Variants in LINGO2 observed in about 807,000 individuals in gnomAD.
LINGO2 encodes leucine rich repeat and Ig domain containing 2.
LINGO2 carries 14 observed loss-of-function variants against 30.6 expected under a neutral mutation model. That is an observed-to-expected ratio of 0.46 (90% CI 0.30 to 0.72). The LOEUF is 0.72. LINGO2 is among the 30% of genes least tolerant of loss of function. The pLI is 0.07. For synonymous variants in LINGO2, 317 were observed against 288.5 expected (o/e 1.10, Z -1.00); for missense variants, 729 against 751.7 (o/e 0.97, Z 0.35).
At chr9:29,192,837 C>A in the LINGO2 span, among the ~76,000 whole-genome samples, 1 of 152,184 alleles carries the variant, frequency 6.6e-6, no homozygotes, top group African/African-American at 2.4e-5. Flanking sequence ...TTGTTCATTT[C>A]ACAAAGGATG....
At chr9:28,740,027 T>C in the LINGO2 span, among the ~76,000 whole-genome samples, 1 of 151,454 alleles carries the variant, frequency 6.6e-6, no homozygotes, top group Non-Finnish European at 1.5e-5. Context: ...AGGAGTGTGT[T>C]GTTTAATTTC....
chr9:28,233,061 T>TATAA lies in LINGO2; in HGVS notation c.-87+62146_-87+62147insTTAT, dbSNP rs60875467. Among the ~76,000 whole-genome samples the TATAA allele has an allele frequency of 2.0e-3, 242 of 118,810 alleles. 6 individuals are homozygous for TATAA. Among genetic ancestry groups the TATAA allele is most frequent in the Middle Eastern group, 8.7e-3 (2 of 230 alleles). The allele number at this position is 118,810 out of a possible 152,430, so 77.9% of individuals were successfully genotyped here. A position where few individuals can be genotyped will look rare whatever the true frequency, so the allele number is the denominator to read the frequency against. On this transcript the variant is annotated intron_variant, in intron 4 of 5. Transcript: ENST00000379992. ...ATATATATATATATATATATATATA[T>TATAA]TAGATATATAATAGATATACAGTAA...
the LINGO2 span, among the ~76,000 whole-genome samples, chr9:28,795,580 C>A: frequency 6.6e-6 from 1 of 151,190 alleles, no homozygotes; most frequent in Non-Finnish European, 1.5e-5. Context: ...TCTTATATAT[C>A]TTTCATATAT....
intron 4 of LINGO2, among the ~76,000 whole-genome samples, chr9:28,133,462 T>G (rs1337760513): frequency 6.6e-6 from 1 of 152,170 alleles, no homozygotes; most frequent in Non-Finnish European, 1.5e-5. Flanking sequence ...GAAAAAAGTC[T>G]GGACTAGAGA....
chr9:28,223,354 G>C (rs1420356185), intron 4 of LINGO2, among the ~76,000 whole-genome samples: 1 of 152,128 alleles, frequency 6.6e-6, no homozygotes, highest in African/African-American at 2.4e-5. Flanking sequence ...ATGGAAGAAG[G>C]CATAAGGGCA....
At chr9:28,120,333 G>A (rs1827058309) in intron 4 of LINGO2, among the ~76,000 whole-genome samples, 1 of 152,134 alleles carries the variant, frequency 6.6e-6, no homozygotes, top group Non-Finnish European at 1.5e-5. Context: ...CTTTTATTCT[G>A]AGGCAATCTC....
chr9:29,186,629 C>A, the LINGO2 span, among the ~76,000 whole-genome samples: 1 of 151,968 alleles, frequency 6.6e-6, no homozygotes, highest in Non-Finnish European at 1.5e-5. Context: ...TAAGATAGTT[C>A]ATTATTAGTA....
At chr9:28,741,976 G>A in the LINGO2 span, among the ~76,000 whole-genome samples, 1 of 151,680 alleles carries the variant, frequency 6.6e-6, no homozygotes, top group Non-Finnish European at 1.5e-5. Flanking sequence ...AGTGAGGAAG[G>A]CCCAGAAACT....
intron 2 of LINGO2, among the ~76,000 whole-genome samples, chr9:28,458,015 A>G (rs1273609870): frequency 6.6e-6 from 1 of 152,186 alleles, no homozygotes; most frequent in Non-Finnish European, 1.5e-5. Context: ...AGGAGACTAT[A>G]ATTATCAATT....
intron 4 of LINGO2, among the ~76,000 whole-genome samples, chr9:28,182,067 T>C (rs1819364105): frequency 6.6e-6 from 1 of 152,020 alleles, no homozygotes; most frequent in African/African-American, 2.4e-5. Flanking sequence ...CAAACTATAC[T>C]ACAAGGCTAC....
At chr9:27,964,237 ATATAT>A (rs1401827503) in intron 5 of LINGO2, among the ~76,000 whole-genome samples, 4 of 152,216 alleles carry the variant, frequency 2.6e-5, no homozygotes, top group Admixed American at 6.6e-5. Context: ...CAAATGTGTT[ATATAT>A]TATAACATAT....
At chr9:29,081,917 T>G in the LINGO2 span, among the ~76,000 whole-genome samples, 8 of 151,680 alleles carry the variant, frequency 5.3e-5, no homozygotes, top group African/African-American at 1.7e-4. Flanking sequence ...CACTGCTCAA[T>G]GAAATAAAAG....
the LINGO2 span, among the ~76,000 whole-genome samples, chr9:29,040,490 C>CT: frequency 6.6e-6 from 1 of 151,500 alleles, no homozygotes; most frequent in Non-Finnish European, 1.5e-5. Context: ...TACTGGTTAT[C>CT]TACTCCCAAT....
intron 4 of LINGO2, among the ~76,000 whole-genome samples, chr9:28,131,539 A>G (rs896237092): frequency 6.6e-6 from 1 of 152,198 alleles, no homozygotes; most frequent in Admixed American, 6.5e-5. Flanking sequence ...ATTGAATATA[A>G]TGGAGGGAAG....
intron 4 of LINGO2, among the ~76,000 whole-genome samples, chr9:28,023,653 C>T (rs936105513): frequency 6.6e-6 from 1 of 152,162 alleles, no homozygotes; most frequent in Non-Finnish European, 1.5e-5. Flanking sequence ...TATCTTTCTC[C>T]TGGCAGGACA....
At chr9:29,072,162 C>T in the LINGO2 span, among the ~76,000 whole-genome samples, 43 of 144,112 alleles carry the variant, frequency 3.0e-4, no homozygotes, top group African/African-American at 1.0e-3. Flanking sequence ...AAAACATCCA[C>T]ATTATATATA....
chr9:28,051,599 C>G (rs1824677125), intron 4 of LINGO2, among the ~76,000 whole-genome samples: 1 of 152,076 alleles, frequency 6.6e-6, no homozygotes, highest in Non-Finnish European at 1.5e-5. Flanking sequence ...TCAAATTTCA[C>G]TTACGATCTC....
At chr9:28,009,043 T>C (rs1362583813) in intron 5 of LINGO2, among the ~76,000 whole-genome samples, 2 of 152,172 alleles carry the variant, frequency 1.3e-5, no homozygotes, top group Non-Finnish European at 2.9e-5. Flanking sequence ...CAAAACAGTG[T>C]GGTGCTGACA....
At chr9:28,071,575 T>C (rs986227689) in intron 4 of LINGO2, among the ~76,000 whole-genome samples, 1 of 151,562 alleles carries the variant, frequency 6.6e-6, no homozygotes, top group Admixed American at 6.6e-5. Context: ...TTTATAATCA[T>C]ACGAGATAAT....
Sources: gnomAD v4.1 joint callset for allele counts (sites outside exome capture counted in the v4.1 genomes callset) on GRCh38, gnomAD v4.1.1 for gene constraint, MANE v1.5 for transcripts, NCBI Gene and HGNC (gene_info 2026-07-23, HGNC 2026-07-21) for gene names.